Variants in XPO6 observed in about 807,000 individuals in gnomAD.
The protein encoded by XPO6 is exportin-6.
In XPO6, 3 loss-of-function variants were observed where a neutral mutation model predicts 130.0. The ratio of observed to expected loss-of-function variants is 0.02; its 90% CI spans 0.01 to 0.06. The LOEUF (loss-of-function observed/expected upper bound fraction) is 0.06, where lower values mean the gene tolerates loss of function less well. Among genes scored for constraint, XPO6 ranks in the 10% least tolerant of loss-of-function variants. The probability of loss-of-function intolerance (pLI) is 1.00; values close to 1 mark genes in which losing one functional copy is unlikely to be tolerated. For missense variants in XPO6, 970 were observed against 1,393.0 expected (o/e 0.70, Z 4.83); for synonymous variants, 524 against 548.9 (o/e 0.95, Z 0.63).
At chr16:28,205,613 C>G (rs1004012678) in intron 1 of XPO6, among the ~76,000 whole-genome samples, 4 of 152,124 alleles carry the variant, frequency 2.6e-5, no homozygotes, top group African/African-American at 9.7e-5. Flanking sequence ...TAAACTGACT[C>G]CCAGAGGGCA....
Position 28,200,591 on chromosome 16 carries a change from G to A in XPO6, c.3+10775C>T, listed in dbSNP as rs144859696. Reference sequence around the variant, plus strand: ...AGCCTGAGCAACAGGTAAAGATTCCGTCTCATAAAAAAGAAACCTAGTGAT... The same window carrying A: ...AGCCTGAGCAACAGGTAAAGATTCCATCTCATAAAAAAGAAACCTAGTGAT... On this transcript the variant is annotated intron_variant, in intron 1 of 23. Coordinates refer to ENST00000304658, the MANE Select transcript of XPO6 (RefSeq NM_015171.4). Among the ~76,000 whole-genome samples the A allele has an allele frequency of 6.4e-4, 97 of 151,938 alleles. No individual in the cohort carries two copies. In the East Asian group the frequency reaches 8.1e-3, roughly 13 times the overall value.
intron 15 of XPO6, among the ~76,000 whole-genome samples, chr16:28,116,662 G>T (rs1311209747): frequency 2.0e-5 from 3 of 152,170 alleles, no homozygotes; most frequent in Non-Finnish European, 4.4e-5. Context: ...CTAAAGACAG[G>T]AAGATGGGGA....
chr16:28,194,154 T>A (rs1260003669), intron 1 of XPO6, among the ~76,000 whole-genome samples: 1 of 152,154 alleles, frequency 6.6e-6, no homozygotes, highest in Non-Finnish European at 1.5e-5. Flanking sequence ...TCAATGGATG[T>A]AAATCCCTTA....
At chr16:28,161,819 G>T (rs1024605688) in intron 6 of XPO6, among the ~76,000 whole-genome samples, 2 of 152,056 alleles carry the variant, frequency 1.3e-5, no homozygotes, top group Admixed American at 1.3e-4. Flanking sequence ...ACCAAACCAG[G>T]GTCTGGCCTC....
chr16:28,155,922 T>A, intron 7 of XPO6, 152 bp downstream of exon 7: 1 of 1,410,730 alleles, frequency 7.1e-7, no homozygotes, highest in Non-Finnish European at 9.2e-7. Flanking sequence ...CCAGCTAATC[T>A]CAGACTTACT....
chr16:28,211,657 GGACCCCCGCCCGGGCCC>G lies in XPO6; in HGVS notation c.-306_-290del, dbSNP rs2044136009. 4 of 397,336 alleles carry G rather than the reference GGACCCCCGCCCGGGCCC, an allele frequency of 1.0e-5. No homozygotes were observed. The East Asian group carries it at 1.4e-4, about 14-fold the overall frequency. 24.6% of individuals were successfully genotyped at this position (397,336 alleles called of 1,614,324 possible). A position where few individuals can be genotyped will look rare whatever the true frequency, so the allele number is the denominator to read the frequency against. On this transcript the variant is annotated 5_prime_UTR_variant, in exon 1 of 24. Coordinates refer to ENST00000304658, the MANE Select transcript of XPO6 (RefSeq NM_015171.4). ...TGCCGGCGAGGAGGGCAGCTGCTCG[GGACCCCCGCCCGGGCCC>G]GACCCCCGCGGGGGAGGCTGCGGGC...
rs115860529 is a variant in XPO6, at chr16:28,114,584, T to G, written c.2005-1534A>C. ...ATTGCTAAAAATGCTAACAATCATC[T>G]GAGCCTTCAGAGCGGTAATCTTTTT... On this transcript the variant is annotated intron_variant, in intron 15 of 23. Transcript: ENST00000304658. Among the ~76,000 whole-genome samples the G allele has an allele frequency of 1.0e-2, 1,523 of 152,374 alleles. 33 individuals carry two copies. The highest frequency in any genetic ancestry group is 0.035 in the African/African-American group (1,450 of 41,580).
Position 28,135,352 on chromosome 16 carries a change from GA to G in XPO6, c.1335-29del, listed in dbSNP as rs771442457. On this transcript the variant is annotated intron_variant, in intron 9 of 23. Transcript: ENST00000304658. The stretch of plus-strand genomic sequence containing the variant: ...ATGTGGCAGGGAGAAATTCAACATT[GA>G]AAGGAGGCTTTCAGCTTAGAATTTG... The G allele has an allele frequency of 6.9e-6, 11 of 1,593,820 alleles. No individual in the cohort carries two copies. In the East Asian group the frequency reaches 2.5e-4, roughly 36 times the overall value.
Position 28,156,407 on chromosome 16 carries a change from T to C in XPO6, c.764A>G (p.His255Arg). 6.2e-7 allele frequency: 1 copy of C among 1,613,930 alleles called. No homozygotes were observed. Among genetic ancestry groups the C allele is most frequent in the Non-Finnish European group, 8.5e-7 (1 of 1,179,984 alleles). The part of the protein sequence containing the change: ...ICSLALECLA[H>R]LFSWIPLSAS... ...AGACAGAGGAATCCAACTGAAGAGATGGGCCAGGCACTCCAAAGCCAGGGA... is the reference window on the plus strand; with the variant it reads ...AGACAGAGGAATCCAACTGAAGAGACGGGCCAGGCACTCCAAAGCCAGGGA... Residue 255 changes from histidine to arginine, a missense_variant, in exon 7 of 24, where the codon CAT becomes CGT. Around this residue, in one of 4 missense-constraint regions of XPO6, gnomAD observed 936 missense variants for 1,306.8 expected, o/e 0.72. Coordinates refer to ENST00000304658, the MANE Select transcript of XPO6 (RefSeq NM_015171.4).
At chr16:28,145,971 A>C (rs952247468) in intron 9 of XPO6, 123 bp downstream of exon 9, 1 of 639,684 alleles carries the variant, frequency 1.6e-6, no homozygotes, top group Non-Finnish European at 2.8e-6. Context: ...CAATGGCATT[A>C]TTGCCTAAAC....
In XPO6 at chr16:28,098,618, T is replaced by C. The variant is rs757535374; in HGVS notation, c.3298A>G (p.Asn1100Asp). ...MDRDLPSFTQ[N>D]VHRLVNDLRY... Reference sequence around the variant, plus strand: ...AGGTCGTTGACCAGCCTGTGCACATTCTGGGTGAATGAGGGCAGGTCCTGG... The same window carrying C: ...AGGTCGTTGACCAGCCTGTGCACATCCTGGGTGAATGAGGGCAGGTCCTGG... Residue 1100 changes from asparagine (N) to aspartate (D), a missense_variant, in exon 24 of 24, where the codon AAT becomes GAT. Asn to Asp is a conservative substitution (Grantham distance 23). This residue lies in a region of XPO6 where 936 missense variants were observed against 1,306.8 expected (regional missense o/e 0.72). Coordinates refer to ENST00000304658, the MANE Select transcript of XPO6 (RefSeq NM_015171.4). The C allele has an allele frequency of 6.2e-7, 1 of 1,611,840 alleles. No individual in the cohort carries two copies. Among genetic ancestry groups the C allele is most frequent in the Non-Finnish European group, 8.5e-7 (1 of 1,178,606 alleles).
intron 12 of XPO6, among the ~76,000 whole-genome samples, chr16:28,127,929 C>A (rs2042593527): frequency 6.6e-6 from 1 of 152,212 alleles, no homozygotes; most frequent in South Asian, 2.1e-4. Flanking sequence ...AACAAGATGG[C>A]AGCCCTGAAG....
intron 12 of XPO6, among the ~76,000 whole-genome samples, chr16:28,130,935 T>C (rs2042657027): frequency 6.6e-6 from 1 of 152,088 alleles, no homozygotes; most frequent in South Asian, 2.1e-4. Context: ...GAACACCTGC[T>C]TGATTTTTTT....
intron 9 of XPO6, among the ~76,000 whole-genome samples, chr16:28,143,381 A>AT (rs2042929554): frequency 6.6e-6 from 1 of 152,224 alleles, no homozygotes; most frequent in East Asian, 1.9e-4. Context: ...TGTGCCAGGT[A>AT]TTTTACATAC....
chr16:28,122,454 T>A (rs2087268432), intron 13 of XPO6, among the ~76,000 whole-genome samples: 1 of 152,080 alleles, frequency 6.6e-6, no homozygotes, highest in Non-Finnish European at 1.5e-5. Context: ...GGACCCTGTC[T>A]TTTAAAATTT....
At chr16:28,103,266 C>T (rs879504595) in intron 21 of XPO6, among the ~76,000 whole-genome samples, 2 of 152,174 alleles carry the variant, frequency 1.3e-5, no homozygotes, top group Non-Finnish European at 2.9e-5. Context: ...CATCTAGCTT[C>T]TTTCACCTGA....
chr16:28,183,032 A>C (rs752872997), intron 1 of XPO6, among the ~76,000 whole-genome samples: 20 of 152,236 alleles, frequency 1.3e-4, no homozygotes, highest in African/African-American at 2.7e-4. Context: ...TGCAAATCAT[A>C]TCTCTCCATA....
chr16:28,110,866 T>C (rs1372580613), intron 17 of XPO6, among the ~76,000 whole-genome samples: 16 of 152,236 alleles, frequency 1.1e-4, no homozygotes, highest in Admixed American at 9.2e-4. Flanking sequence ...TGACGATGGA[T>C]ATAGAATCAC....
chr16:28,123,663 G>A (rs1199659060), intron 13 of XPO6, among the ~76,000 whole-genome samples: 1 of 152,136 alleles, frequency 6.6e-6, no homozygotes, highest in Non-Finnish European at 1.5e-5. Flanking sequence ...AAGAACTAAG[G>A]TTCCCAAAGT....
Sources: gnomAD v4.1 joint callset for allele counts (sites outside exome capture counted in the v4.1 genomes callset) on GRCh38, gnomAD v4.1.1 for gene constraint, gnomAD v4.1.1 regional missense constraint, MANE v1.5 for transcripts, NCBI Gene and HGNC (gene_info 2026-07-23, HGNC 2026-07-21) for gene names.